Variants in CACNA1B observed in about 807,000 individuals in gnomAD.
CACNA1B encodes calcium voltage-gated channel subunit alpha1 B, also known as voltage-dependent N-type calcium channel subunit alpha-1B.
CACNA1B carries 70 observed loss-of-function variants against 247.2 expected under a neutral mutation model. That is an observed-to-expected ratio of 0.28 (90% CI 0.23 to 0.35). The LOEUF (loss-of-function observed/expected upper bound fraction) is 0.35. Among genes scored for constraint, CACNA1B ranks in the 10% least tolerant of loss-of-function variants. CACNA1B has a pLI of 1.00. For synonymous variants in CACNA1B, 1,231 were observed against 1,294.4 expected (o/e 0.95, Z 1.05); for missense variants, 2,367 against 3,197.4 (o/e 0.74, Z 6.26).
intron 3 of CACNA1B, among the ~76,000 whole-genome samples, chr9:137,887,349 CAG>C (rs1437216494): frequency 6.6e-6 from 1 of 151,086 alleles, no homozygotes; most frequent in East Asian, 2.0e-4. Flanking sequence ...GGCAGAGTGA[CAG>C]GGGCAGGGGC....
intron 6 of CACNA1B, among the ~76,000 whole-genome samples, chr9:137,951,072 G>A (rs1957872496): frequency 6.6e-6 from 1 of 152,240 alleles, no homozygotes; most frequent in Admixed American, 6.5e-5. Context: ...CTCAAGAAGG[G>A]AGGACAGGTT....
In CACNA1B at chr9:138,046,939, G is replaced by A; in HGVS notation, c.3449G>A (p.Arg1150Lys). Residue 1150 changes from arginine (R) to lysine (K), a missense_variant, in exon 22 of 47, where the codon AGG becomes AAG. Physicochemically the swap from Arg to Lys is conservative, Grantham distance 26. This residue lies in a region of CACNA1B where 631 missense variants were observed against 631.1 expected (regional missense o/e 1.00). Coordinates refer to ENST00000371372, the MANE Select transcript of CACNA1B (RefSeq NM_000718.4). ...RRFCHYIVTM[R>K]YFEVVILVVI... ...TTCTGCCACTACATCGTGACCATGAGGTACTTCGAGGTGGTCATTCTCGTG... is the reference window on the plus strand; with the variant it reads ...TTCTGCCACTACATCGTGACCATGAAGTACTTCGAGGTGGTCATTCTCGTG... 1 of 1,613,384 alleles carries A rather than the reference G, an allele frequency of 6.2e-7. No homozygotes were observed. The highest frequency in any genetic ancestry group is 8.5e-7 in the Non-Finnish European group (1 of 1,179,322).
At chr9:138,030,247 GTTCT>G (rs1958972650) in intron 20 of CACNA1B, among the ~76,000 whole-genome samples, 1 of 150,418 alleles carries the variant, frequency 6.6e-6, no homozygotes, top group Non-Finnish European at 1.5e-5. Context: ...TTTGGTAGAT[GTTCT>G]TTATCAAGTT....
Position 138,014,944 on chromosome 9 carries a change from C to T in CACNA1B, c.2267+1709C>T, listed in dbSNP as rs144342577. On this transcript the variant is annotated intron_variant, in intron 18 of 46. Transcript: ENST00000371372. This position sits in a 1 kb window ranked among gnomAD's most constrained non-coding sequence, Gnocchi z 6.2. ...GCTGCCCTGTCCTGGTTTGGAGACA[C>T]TGCTATGCAGGAACAAGGCAGTAGA... is the stretch of plus-strand genomic sequence containing the variant. Among the ~76,000 whole-genome samples the T allele has an allele frequency of 4.2e-4, 64 of 152,330 alleles. No individual in the cohort carries two copies. The highest frequency in any genetic ancestry group is 3.3e-3 in the Admixed American group (50 of 15,302).
chr9:138,118,109 T>G (rs1589138534), intron 43 of CACNA1B, 28 bp downstream of exon 43: 5 of 1,110,306 alleles, frequency 4.5e-6, no homozygotes, highest in East Asian at 7.2e-5. Context: ...CTAGTGAGAC[T>G]GGGTTGGGGG....
intron 10 of CACNA1B, among the ~76,000 whole-genome samples, chr9:137,958,905 A>G (rs1957979581): frequency 1.3e-5 from 2 of 152,038 alleles, no homozygotes; most frequent in African/African-American, 4.8e-5. Flanking sequence ...CCCTCTTTCT[A>G]AATGTTTGTT....
In CACNA1B at chr9:138,050,691, C is replaced by A. The variant is rs1959244354; in HGVS notation, c.3710+1376C>A. 6.6e-6 allele frequency among the ~76,000 whole-genome samples: 1 copy of A among 152,136 alleles called. No individual in the cohort carries two copies. Among genetic ancestry groups the A allele is most frequent in the East Asian group, 1.9e-4 (1 of 5,178 alleles). ...AGGAGCAGGCCCCAGATGGACGCTCCCCCAGAAAGCCTCATTTACTGGGTG... is the reference window on the plus strand; with the variant it reads ...AGGAGCAGGCCCCAGATGGACGCTCACCCAGAAAGCCTCATTTACTGGGTG... On this transcript the variant is annotated intron_variant, in intron 24 of 46. Coordinates refer to ENST00000371372, the MANE Select transcript of CACNA1B (RefSeq NM_000718.4). The surrounding 1 kb of genome is among the most constrained non-coding windows in gnomAD (Gnocchi z 5.2).
chr9:137,898,554 G>A (rs982618388), intron 3 of CACNA1B, among the ~76,000 whole-genome samples: 1 of 151,924 alleles, frequency 6.6e-6, no homozygotes, highest in African/African-American at 2.4e-5. Context: ...TGCTCAGGCT[G>A]GAGTGCAGTA....
intron 3 of CACNA1B, among the ~76,000 whole-genome samples, chr9:137,903,577 T>TAGG (rs963904077): frequency 2.0e-5 from 3 of 152,186 alleles, no homozygotes; most frequent in African/African-American, 7.2e-5. Flanking sequence ...TTTGCCTACT[T>TAGG]AGTTTTCCAG....
chr9:138,076,248 G>A (rs1960314929), intron 35 of CACNA1B, among the ~76,000 whole-genome samples: 1 of 152,178 alleles, frequency 6.6e-6, no homozygotes, highest in Non-Finnish European at 1.5e-5. Flanking sequence ...AGGTCTGGGA[G>A]GACAGAGGTG....
At chr9:138,108,749 C>T (rs971310240) in intron 39 of CACNA1B, among the ~76,000 whole-genome samples, 3 of 151,936 alleles carry the variant, frequency 2.0e-5, no homozygotes, top group African/African-American at 7.3e-5. Flanking sequence ...CCTGGGTTCA[C>T]GCCATTCTCC....
chr9:137,908,597 C>A (rs1486521655), intron 3 of CACNA1B, among the ~76,000 whole-genome samples: 1 of 152,078 alleles, frequency 6.6e-6, no homozygotes, highest in Non-Finnish European at 1.5e-5. Context: ...TTAAAGTGTA[C>A]AAGTCAGTGG....
intron 6 of CACNA1B, among the ~76,000 whole-genome samples, chr9:137,949,685 G>C (rs1042895110): frequency 6.6e-6 from 1 of 152,022 alleles, no homozygotes; most frequent in Non-Finnish European, 1.5e-5. Flanking sequence ...GGCGGTGGCC[G>C]GCAGAGGTGA....
At chr9:138,093,980 T>C (rs1264104881) in intron 36 of CACNA1B, among the ~76,000 whole-genome samples, 3 of 152,186 alleles carry the variant, frequency 2.0e-5, no homozygotes, top group African/African-American at 7.2e-5. Flanking sequence ...CACATGCTCA[T>C]AGCAGTGTTA....
intron 10 of CACNA1B, among the ~76,000 whole-genome samples, chr9:137,960,393 C>T (rs1228173141): frequency 3.0e-5 from 2 of 67,472 alleles, no homozygotes; most frequent in African/African-American, 1.2e-4. Context: ...GGGAGGTTGG[C>T]CTGACTGGGG....
At chr9:138,116,577 A>C (rs1171932907) in intron 42 of CACNA1B, among the ~76,000 whole-genome samples, 1 of 152,232 alleles carries the variant, frequency 6.6e-6, no homozygotes, top group Non-Finnish European at 1.5e-5. Context: ...TCTGGGGTTT[A>C]TCTAAGCCAG....
Position 137,977,848 on chromosome 9 carries a change from G to A in CACNA1B, c.1656+1829G>A, listed in dbSNP as rs529225503. On this transcript the variant is annotated intron_variant, in intron 12 of 46. Transcript: ENST00000371372. Reference sequence around the variant, plus strand: ...ATGAGTGGGAGCATTGCCCCTCTCAGGGTGGAGTGAAGGGTGGGAGCAGAG... The same window carrying A: ...ATGAGTGGGAGCATTGCCCCTCTCAAGGTGGAGTGAAGGGTGGGAGCAGAG... Among the ~76,000 whole-genome samples the A allele has an allele frequency of 9.3e-4, 142 of 152,066 alleles. 2 individuals are homozygous for A. The highest frequency in any genetic ancestry group is 3.1e-3 in the African/African-American group (130 of 41,480).
chr9:137,906,736 A>G (rs1355497239), intron 3 of CACNA1B, among the ~76,000 whole-genome samples: 2 of 152,044 alleles, frequency 1.3e-5, no homozygotes, highest in South Asian at 2.1e-4. Context: ...ATTATTTAAC[A>G]TACATGTTTC....
Position 137,956,762 on chromosome 9 carries a change from C to T in CACNA1B, c.1187-9C>T, listed in dbSNP as rs997662344. Reference sequence around the variant, plus strand: ...AGGGCTCTGACCTGAGGCTGTGTTCCCCTCGCAGAGGAAGTCATGCTGGCC... The same window carrying T: ...AGGGCTCTGACCTGAGGCTGTGTTCTCCTCGCAGAGGAAGTCATGCTGGCC... On this transcript the variant is annotated splice_polypyrimidine_tract_variant and intron_variant, in intron 8 of 46. Transcript: ENST00000371372. 12 of 1,613,416 alleles carry T rather than the reference C, an allele frequency of 7.4e-6. No homozygotes were observed. The highest frequency in any genetic ancestry group is 1.7e-5 in the Admixed American group (1 of 60,004).
Sources: gnomAD v4.1 joint callset for allele counts (sites outside exome capture counted in the v4.1 genomes callset) on GRCh38, gnomAD v4.1.1 for gene constraint, gnomAD v4.1.1 regional missense constraint, Gnocchi (gnomAD v3.1) non-coding constraint, MANE v1.5 for transcripts, NCBI Gene and HGNC (gene_info 2026-07-23, HGNC 2026-07-21) for gene names.